DNAJC17: variants seen among roughly 807,000 people sequenced by gnomAD.
The protein encoded by DNAJC17 is dnaJ homolog subfamily C member 17.
A neutral mutation model predicts 48.1 loss-of-function variants in DNAJC17; 35 were observed. That is an observed-to-expected ratio of 0.73 (90% CI 0.56 to 0.96). The LOEUF (loss-of-function observed/expected upper bound fraction) is 0.96, where lower values mean the gene tolerates loss of function less well. DNAJC17 is among the 50% of genes least tolerant of loss of function. DNAJC17 has a pLI of 0.00. For synonymous variants in DNAJC17, 117 were observed against 142.7 expected (o/e 0.82, Z 1.28); for missense variants, 355 against 377.1 (o/e 0.94, Z 0.48).
chr15:40,779,382 G>A (rs934587897), intron 3 of DNAJC17, 72 bp from the exon 4 acceptor site: 42 of 1,580,290 alleles, frequency 2.7e-5, no homozygotes, highest in Non-Finnish European at 3.3e-5. Context: ...AATCTGCCTG[G>A]CCCCTAGCCC....
intron 10 of DNAJC17, chr15:40,771,038 G>C (rs1489216662): frequency 6.5e-7 from 1 of 1,548,284 alleles, no homozygotes; most frequent in Non-Finnish European, 8.7e-7. Context: ...GGTGAGGGTG[G>C]GCAAAGCCGG....
In DNAJC17 at chr15:40,772,959, CTTT is replaced by C. The variant is rs754542485; in HGVS notation, c.792+765_792+767del. Among the ~76,000 whole-genome samples the C allele has an allele frequency of 2.4e-4, 32 of 133,576 alleles. No homozygotes were observed. The East Asian group carries it at 3.9e-3, about 16-fold the overall frequency. 87.6% of individuals were successfully genotyped at this position (133,576 alleles called of 152,430 possible). On this transcript the variant is annotated intron_variant, in intron 10 of 10. Transcript: ENST00000220496. ...GTCAGCAGGGTAGCCAGAGTTCCTTCTTTTTTTTTTTTTTTTTTTGAGATGAAG... is the reference window on the plus strand; with the variant it reads ...GTCAGCAGGGTAGCCAGAGTTCCTTCTTTTTTTTTTTTTTTTGAGATGAAG...
intron 1 of DNAJC17, among the ~76,000 whole-genome samples, chr15:40,791,636 GGAGTTC>G (rs1889809920): frequency 6.6e-6 from 1 of 151,508 alleles, no homozygotes; most frequent in African/African-American, 2.4e-5. Flanking sequence ...CCTGAGGTCA[GGAGTTC>G]GACACTAGCC....
chr15:40,765,961 C>T lies in DNAJC17; in HGVS notation c.*1979G>A, dbSNP rs1216393684. ...CCCTCAGTATCCTCTCCCTGCCAGC[C>T]CCTAGACCTGCCTCTGCTCCCTTTA... On this transcript the variant is annotated 3_prime_UTR_variant, in exon 11 of 11. Coordinates refer to ENST00000220496, the MANE Select transcript of DNAJC17 (RefSeq NM_018163.3). 1 of 1,067,794 alleles carries T rather than the reference C, an allele frequency of 9.4e-7. No individual in the cohort carries two copies. Among genetic ancestry groups the T allele is most frequent in the South Asian group, 1.5e-5 (1 of 68,330 alleles). The allele number at this position is 1,067,794 out of a possible 1,614,324, so 66.1% of individuals were successfully genotyped here.
intron 1 of DNAJC17, among the ~76,000 whole-genome samples, chr15:40,801,761 A>C (rs1053586078): frequency 1.1e-4 from 16 of 152,176 alleles, no homozygotes; most frequent in African/African-American, 3.9e-4. Flanking sequence ...AAAAAAAGAA[A>C]AGAAAAGAAA....
Position 40,776,547 on chromosome 15 carries a change from G to C in DNAJC17, c.376C>G (p.Gln126Glu). The C allele has an allele frequency of 6.2e-7, 1 of 1,613,998 alleles. No homozygotes were observed. The highest frequency in any genetic ancestry group is 8.5e-7 in the Non-Finnish European group (1 of 1,180,016). ...CAGTGTGCCTGAGTGCTCACCTCTTGCTCTAGTGTCCTGGTGCTCCGGCTC... is the reference window on the plus strand; with the variant it reads ...CAGTGTGCCTGAGTGCTCACCTCTTCCTCTAGTGTCCTGGTGCTCCGGCTC... ...EESRSTRTLE[Q>E]EIERLREEGS... The change falls in exon 5 of 11, where the codon CAA (glutamine) becomes GAA (glutamate). Residue 126 changes from glutamine to glutamate, a missense_variant. Around this residue, in one of 3 missense-constraint regions of DNAJC17, gnomAD observed 199 missense variants for 199.9 expected, o/e 1.00. Transcript: ENST00000220496.
intron 1 of DNAJC17, among the ~76,000 whole-genome samples, chr15:40,795,640 T>C (rs570309414): frequency 1.3e-4 from 20 of 152,328 alleles, no homozygotes; most frequent in Non-Finnish European, 2.4e-4. Context: ...CTCACACCTG[T>C]AATCCCAGCA....
intron 1 of DNAJC17, among the ~76,000 whole-genome samples, chr15:40,782,428 T>C (rs931767164): frequency 2.0e-5 from 3 of 151,826 alleles, no homozygotes; most frequent in African/African-American, 7.3e-5. Flanking sequence ...CTTAAATACA[T>C]AGAAAGAAAG....
At chr15:40,771,752 T>C (rs1053524120) in intron 10 of DNAJC17, 4 of 167,460 alleles carry the variant, frequency 2.4e-5, no homozygotes, top group Non-Finnish European at 5.8e-5. Flanking sequence ...CTGCACAAAG[T>C]TCTAATGGAC....
intron 1 of DNAJC17, among the ~76,000 whole-genome samples, chr15:40,804,258 T>C (rs1351602432): frequency 6.6e-6 from 1 of 150,780 alleles, no homozygotes; most frequent in Non-Finnish European, 1.5e-5. Flanking sequence ...GTGTGAGCCA[T>C]CACACTCAGT....
intron 1 of DNAJC17, among the ~76,000 whole-genome samples, chr15:40,784,658 A>G (rs1403993098): frequency 6.6e-6 from 1 of 152,158 alleles, no homozygotes; most frequent in Non-Finnish European, 1.5e-5. Context: ...AACAGTGGAC[A>G]CCACCCCACC....
In DNAJC17 at chr15:40,769,534, A is replaced by G. The variant is rs1366114234; in HGVS notation, c.793-1472T>C. Among the ~76,000 whole-genome samples, 1 of 152,216 alleles carries G rather than the reference A, an allele frequency of 6.6e-6. No homozygotes were observed. Among genetic ancestry groups the G allele is most frequent in the Non-Finnish European group, 1.5e-5 (1 of 68,026 alleles). ...CTGGGCAGCAGAGCCCGCCCATCAC[A>G]GGCATGGCGCTGCTCCCCATTAACA... On this transcript the variant is annotated intron_variant, in intron 10 of 10. Coordinates refer to ENST00000220496, the MANE Select transcript of DNAJC17 (RefSeq NM_018163.3). The surrounding 1 kb of genome is among the most constrained non-coding windows in gnomAD (Gnocchi z 4.2).
chr15:40,796,354 G>T (rs1433394101), intron 1 of DNAJC17, among the ~76,000 whole-genome samples: 1 of 152,198 alleles, frequency 6.6e-6, no homozygotes, highest in African/African-American at 2.4e-5. Context: ...TAGCAGATAA[G>T]GGTGTGGGGC....
chr15:40,799,169 G>T (rs1443938908), intron 1 of DNAJC17, among the ~76,000 whole-genome samples: 1 of 148,058 alleles, frequency 6.8e-6, no homozygotes, highest in Non-Finnish European at 1.5e-5. Context: ...AGCTTGCAGT[G>T]AGCCGAGATC....
chr15:40,779,164 A>G, intron 4 of DNAJC17, 59 bp downstream of exon 4: 2 of 1,508,614 alleles, frequency 1.3e-6, no homozygotes, highest in Non-Finnish European at 1.8e-6. Context: ...CAGGTGAGGG[A>G]GATGAATGAA....
intron 9 of DNAJC17, 109 bp from the exon 10 acceptor site, chr15:40,773,946 G>GA (rs1889240327): frequency 1.0e-6 from 1 of 956,078 alleles, no homozygotes; most frequent in Non-Finnish European, 1.6e-6. Flanking sequence ...TCTAAGCAGA[G>GA]ATGCCAACCT....
At chr15:40,783,380 C>CTA (rs113168795) in intron 1 of DNAJC17, among the ~76,000 whole-genome samples, 6,967 of 152,240 alleles carry the variant, frequency 0.046, 528 homozygotes, top group African/African-American at 0.16. Flanking sequence ...CTCTCTGATC[C>CTA]TATCTCCACC....
chr15:40,805,618 AG>A (rs1422676769), intron 1 of DNAJC17, among the ~76,000 whole-genome samples: 1 of 151,500 alleles, frequency 6.6e-6, no homozygotes, highest in Non-Finnish European at 1.5e-5. Flanking sequence ...TGAGGTGGGC[AG>A]ATCACGAGGT....
chr15:40,767,175 A>C lies in DNAJC17; in HGVS notation c.*765T>G. 6.9e-7 allele frequency: 1 copy of C among 1,444,606 alleles called. No individual in the cohort carries two copies. The highest frequency in any genetic ancestry group is 9.1e-7 in the Non-Finnish European group (1 of 1,095,786). 89.5% of individuals were successfully genotyped at this position (1,444,606 alleles called of 1,614,324 possible). ...CTGCTGCAGACACTAGCTTTGTACC[A>C]GGAGCTTGCTGTGTGCCCCTCCTCA... On this transcript the variant is annotated 3_prime_UTR_variant, in exon 11 of 11. Coordinates refer to ENST00000220496, the MANE Select transcript of DNAJC17 (RefSeq NM_018163.3).
Sources: allele counts gnomAD v4.1 joint callset (sites outside exome capture counted in the v4.1 genomes callset), GRCh38; gene constraint gnomAD v4.1.1; regional missense constraint gnomAD v4.1.1; non-coding constraint Gnocchi (gnomAD v3.1); transcripts MANE v1.5; gene names NCBI Gene and HGNC (gene_info 2026-07-23, HGNC 2026-07-21).